Variants in GFRA1 observed in about 807,000 individuals in gnomAD.
GFRA1 encodes GDNF family receptor alpha 1.
Under a neutral mutation model 51.6 loss-of-function variants are expected in GFRA1, and 16 were observed. The ratio of observed to expected loss-of-function variants is 0.31; its 90% CI spans 0.21 to 0.47. The LOEUF (loss-of-function observed/expected upper bound fraction) is 0.47. Among genes scored for constraint, GFRA1 ranks in the 20% least tolerant of loss-of-function variants. GFRA1 has a pLI of 1.00. For synonymous variants in GFRA1, 270 were observed against 241.3 expected (o/e 1.12, Z -1.10); for missense variants, 530 against 594.3 (o/e 0.89, Z 1.13).
intron 9 of GFRA1, among the ~76,000 whole-genome samples, chr10:116,068,183 C>T (rs74158560): frequency 0.015 from 2,231 of 152,302 alleles, 56 homozygotes; most frequent in African/African-American, 0.05. Flanking sequence ...CACAGAGGCA[C>T]TCAGCACTCC....
At chr10:116,125,071 G>A (rs1355223323) in intron 6 of GFRA1, 150 bp downstream of exon 6, 2 of 716,138 alleles carry the variant, frequency 2.8e-6, no homozygotes, top group African/African-American at 3.5e-5. Flanking sequence ...AGACACAGAG[G>A]TCAGATTTTT....
intron 9 of GFRA1, among the ~76,000 whole-genome samples, chr10:116,067,830 A>G (rs953427023): frequency 6.6e-6 from 1 of 152,218 alleles, no homozygotes; most frequent in African/African-American, 2.4e-5. Flanking sequence ...GTAAACTCCA[A>G]GGATCTTGTC....
At chr10:116,110,154 C>T (rs528453069) in intron 6 of GFRA1, among the ~76,000 whole-genome samples, 1 of 152,336 alleles carries the variant, frequency 6.6e-6, no homozygotes, top group Non-Finnish European at 1.5e-5. Flanking sequence ...CTTTGGAATC[C>T]TCAGCCTGGG....
At chr10:116,178,283 T>C (rs1961833295) in intron 5 of GFRA1, among the ~76,000 whole-genome samples, 1 of 105,092 alleles carries the variant, frequency 9.5e-6, no homozygotes, top group Non-Finnish European at 1.9e-5. Context: ...CTGGAGCATG[T>C]GAGCCCACAA....
At chr10:116,199,067 C>T (rs1320885431) in intron 5 of GFRA1, among the ~76,000 whole-genome samples, 1 of 152,158 alleles carries the variant, frequency 6.6e-6, no homozygotes, top group Non-Finnish European at 1.5e-5. Context: ...TAGCTGGAAG[C>T]GGCCGGGACA....
chr10:116,134,799 G>A (rs1045656140), intron 5 of GFRA1, among the ~76,000 whole-genome samples: 1 of 152,186 alleles, frequency 6.6e-6, no homozygotes, highest in Non-Finnish European at 1.5e-5. Context: ...TCATGGGCTA[G>A]CCTTATCCAT....
chr10:116,266,137 G>T (rs560474736), intron 4 of GFRA1, among the ~76,000 whole-genome samples: 1 of 152,328 alleles, frequency 6.6e-6, no homozygotes, highest in East Asian at 1.9e-4. Context: ...TAAAGTGAAT[G>T]TGGGTTTGAG....
rs1966970837 is a variant in GFRA1, at chr10:116,237,529, A to G, written c.419-25884T>C. ...GCATGATGCCTGTTATGCAGCAGAC[A>G]CTGAGTACATACTCGAATAGATTAA... is the stretch of plus-strand genomic sequence containing the variant. On this transcript the variant is annotated intron_variant, in intron 4 of 10. Coordinates refer to ENST00000355422, the MANE Select transcript of GFRA1 (RefSeq NM_005264.8). 2.0e-5 allele frequency among the ~76,000 whole-genome samples: 3 copies of G among 150,520 alleles called. No individual in the cohort carries two copies. The South Asian group carries it at 6.4e-4, about 32-fold the overall frequency.
Position 116,074,929 on chromosome 10 carries a change from C to G in GFRA1, c.1198-9303G>C, listed in dbSNP as rs1344645213. Among the ~76,000 whole-genome samples the G allele has an allele frequency of 2.6e-5, 4 of 152,184 alleles. 1 individual carries two copies. The South Asian group carries it at 8.3e-4, about 31-fold the overall frequency. On this transcript the variant is annotated intron_variant, in intron 9 of 10. Coordinates refer to ENST00000355422, the MANE Select transcript of GFRA1 (RefSeq NM_005264.8). The stretch of plus-strand genomic sequence containing the variant: ...ATTGGATTTATTTATAGTATGTGAT[C>G]TAAGTGTGCTCAGAGGTATTCTCAC...
rs1239757880 is a variant in GFRA1, at chr10:116,064,091, GATCATCATC to G, written c.*298_*306del. 3.9e-5 allele frequency: 7 copies of G among 180,490 alleles called. No homozygotes were observed. The highest frequency in any genetic ancestry group is 6.9e-5 in the Non-Finnish European group (7 of 101,526). 11.2% of individuals were successfully genotyped at this position (180,490 alleles called of 1,614,324 possible). On this transcript the variant is annotated 3_prime_UTR_variant, in exon 11 of 11. Coordinates refer to ENST00000355422, the MANE Select transcript of GFRA1 (RefSeq NM_005264.8). ...TCATGATCATGATGATCATCATCATGATCATCATCATCATCGAAAACACAGCCCCAGTTT... is the reference window on the plus strand; with the variant it reads ...TCATGATCATGATGATCATCATCATGATCATCGAAAACACAGCCCCAGTTT...
intron 4 of GFRA1, among the ~76,000 whole-genome samples, chr10:116,219,455 C>T (rs909304072): frequency 6.6e-6 from 1 of 152,016 alleles, no homozygotes; most frequent in East Asian, 1.9e-4. Context: ...AATTCATGTA[C>T]AAATATTTTA....
rs373364535 is a variant in GFRA1 at position 116,061,246 on chromosome 10, T to TTAAA, written c.*3151_*3152insTTTA. Reference sequence around the variant, plus strand: ...TTCTTACTACAGCACAAAAGTCTGTTAAAAAAAAAAAAAAAGAAATGGAAA... The same window carrying TTAAA: ...TTCTTACTACAGCACAAAAGTCTGTTTAAAAAAAAAAAAAAAAAAGAAATGGAAA... On this transcript the variant is annotated 3_prime_UTR_variant, in exon 11 of 11. Coordinates refer to ENST00000355422, the MANE Select transcript of GFRA1 (RefSeq NM_005264.8). 2 of 140,040 alleles carry TTAAA rather than the reference T, an allele frequency of 1.4e-5. No homozygotes were observed. Among genetic ancestry groups the TTAAA allele is most frequent in the East Asian group, 2.1e-4 (1 of 4,794 alleles). The allele number at this position is 140,040 out of a possible 1,614,324, so 8.7% of individuals were successfully genotyped here. A position where few individuals can be genotyped will look rare whatever the true frequency, so the allele number is the denominator to read the frequency against.
At chr10:116,171,166 A>C (rs3781536) in intron 5 of GFRA1, among the ~76,000 whole-genome samples, 89,268 of 152,034 alleles carry the variant, frequency 0.59, 26,162 homozygotes, top group Middle Eastern at 0.63. Context: ...TGAAAGCAAA[A>C]CCTGCCCTGG....
intron 5 of GFRA1, among the ~76,000 whole-genome samples, chr10:116,144,117 T>G (rs1958690658): frequency 6.6e-6 from 1 of 152,124 alleles, no homozygotes; most frequent in Non-Finnish European, 1.5e-5. Context: ...TTTAACACAC[T>G]TTGCACGTGA....
At chr10:116,080,995 C>T (rs552103821) in intron 9 of GFRA1, among the ~76,000 whole-genome samples, 1 of 152,348 alleles carries the variant, frequency 6.6e-6, no homozygotes, top group East Asian at 1.9e-4. Flanking sequence ...CAGAGAAGCT[C>T]TCCATTGGAA....
At chr10:116,255,268 A>G (rs1253053528) in intron 4 of GFRA1, among the ~76,000 whole-genome samples, 1 of 152,222 alleles carries the variant, frequency 6.6e-6, no homozygotes, top group African/African-American at 2.4e-5. Flanking sequence ...TGCATTAAGT[A>G]TATGTTCATT....
intron 5 of GFRA1, among the ~76,000 whole-genome samples, chr10:116,175,516 G>A (rs966176716): frequency 5.3e-5 from 8 of 152,158 alleles, no homozygotes; most frequent in South Asian, 4.1e-4. Flanking sequence ...TTTTATGCTC[G>A]TTACAATCCT....
At chr10:116,246,231 A>G (rs1006260759) in intron 4 of GFRA1, among the ~76,000 whole-genome samples, 5 of 152,130 alleles carry the variant, frequency 3.3e-5, no homozygotes, top group Non-Finnish European at 7.3e-5. Context: ...GGAGTTCGAG[A>G]CCAGCCTGGC....
At chr10:116,134,967 C>A (rs766132855) in intron 5 of GFRA1, among the ~76,000 whole-genome samples, 1 of 151,000 alleles carries the variant, frequency 6.6e-6, no homozygotes, top group Admixed American at 6.6e-5. Context: ...GGGATCATTA[C>A]ATTTTTAATT....
Sources: allele counts gnomAD v4.1 joint callset (sites outside exome capture counted in the v4.1 genomes callset), GRCh38; gene constraint gnomAD v4.1.1; transcripts MANE v1.5; gene names NCBI Gene and HGNC (gene_info 2026-07-23, HGNC 2026-07-21).